GLI3: variants seen among roughly 807,000 people sequenced by gnomAD.
GLI3 encodes transcription activator GLI3.
Under a neutral mutation model 100.8 loss-of-function variants are expected in GLI3, and 20 were observed. The ratio of observed to expected loss-of-function variants is 0.20; its 90% CI spans 0.14 to 0.29. GLI3 has a LOEUF of 0.29. Among genes scored for constraint, GLI3 ranks in the 10% least tolerant of loss-of-function variants. The probability of loss-of-function intolerance (pLI) is 1.00; values close to 1 mark genes in which losing one functional copy is unlikely to be tolerated. For missense variants in GLI3, 2,040 were observed against 2,128.5 expected (o/e 0.96, Z 0.82); for synonymous variants, 938 against 860.5 (o/e 1.09, Z -1.58).
intron 3 of GLI3, among the ~76,000 whole-genome samples, chr7:42,131,255 G>T (rs932190562): frequency 6.6e-6 from 1 of 152,160 alleles, no homozygotes; most frequent in African/African-American, 2.4e-5. Flanking sequence ...GAATGAATTG[G>T]CCAGGAAAGA....
rs946540479 is a variant in GLI3, at chr7:41,964,066, T to G, written c.*264A>C. Reference sequence around the variant, plus strand: ...CTAAAAAGGGGGCGGGGCTTACAGTTTTTTTTTTTTTTTTTAAAAAGAGGG... The same window carrying G: ...CTAAAAAGGGGGCGGGGCTTACAGTGTTTTTTTTTTTTTTTAAAAAGAGGG... On this transcript the variant is annotated 3_prime_UTR_variant, in exon 15 of 15. Coordinates refer to ENST00000395925, the MANE Select transcript of GLI3 (RefSeq NM_000168.6). The G allele has an allele frequency of 2.3e-4, 59 of 261,342 alleles. No homozygotes were observed. The highest frequency in any genetic ancestry group is 1.2e-3 in the African/African-American group (51 of 42,414). The allele number at this position is 261,342 out of a possible 1,614,324, so 16.2% of individuals were successfully genotyped here.
rs149400571 is a variant in GLI3, at chr7:42,148,353, G to A, written c.240C>T (p.Asp80=). 5.6e-5 allele frequency: 91 copies of A among 1,613,930 alleles called. No homozygotes were observed. Among genetic ancestry groups the A allele is most frequent in the East Asian group, 8.9e-5 (4 of 44,864 alleles). ...CTTTCTTGATCAATGAGGCCCTCTCGTCACTCGATGTTGAAGGTTCCTCAC... is the reference window on the plus strand; with the variant it reads ...CTTTCTTGATCAATGAGGCCCTCTCATCACTCGATGTTGAAGGTTCCTCAC... ...KVSEEPSTSS[D]ERASLIKKEI... The change falls in exon 3 of 15, where the codon GAC becomes GAT. Residue 80 remains aspartate (D), a synonymous_variant. Transcript: ENST00000395925.
At chr7:42,236,656 T>TG (rs1190413980) in intron 1 of GLI3, among the ~76,000 whole-genome samples, 1 of 151,858 alleles carries the variant, frequency 6.6e-6, no homozygotes, top group Admixed American at 6.5e-5. Flanking sequence ...ACCCTTTGGA[T>TG]GGGGGCGGAG....
chr7:42,125,665 A>T (rs1315570965), intron 3 of GLI3, among the ~76,000 whole-genome samples: 1 of 152,088 alleles, frequency 6.6e-6, no homozygotes, highest in Non-Finnish European at 1.5e-5. Context: ...CTCACTCCTG[A>T]CTCACTGTCC....
At chr7:42,204,844 T>C (rs1023048516) in intron 2 of GLI3, among the ~76,000 whole-genome samples, 2 of 152,116 alleles carry the variant, frequency 1.3e-5, no homozygotes, top group African/African-American at 4.8e-5. Context: ...TCCCCGAGAC[T>C]CTCCTTCGGG....
At chr7:42,030,148 C>A (rs1185336833) in intron 7 of GLI3, among the ~76,000 whole-genome samples, 1 of 152,156 alleles carries the variant, frequency 6.6e-6, no homozygotes, top group Non-Finnish European at 1.5e-5. Flanking sequence ...TACCTGGAGG[C>A]TGCCCACATT....
intron 2 of GLI3, among the ~76,000 whole-genome samples, 179 bp from the exon 3 acceptor site, chr7:42,148,647 T>C (rs1376549898): frequency 6.6e-6 from 1 of 152,184 alleles, no homozygotes; most frequent in Non-Finnish European, 1.5e-5. Flanking sequence ...AAATTGTTTA[T>C]GAATGAGGGT....
At chr7:42,172,656 C>T (rs753611636) in intron 2 of GLI3, 2 of 702,816 alleles carry the variant, frequency 2.8e-6, no homozygotes, top group South Asian at 3.0e-5. Context: ...CCTCCTGGTC[C>T]AGCCTCTGGC....
In GLI3 at chr7:42,023,685, A is replaced by G; in HGVS notation, c.1357-77T>C. On this transcript the variant is annotated intron_variant, in intron 9 of 14. Coordinates refer to ENST00000395925, the MANE Select transcript of GLI3 (RefSeq NM_000168.6). The stretch of plus-strand genomic sequence containing the variant: ...ACAACAGGAGGGAAGACAAGAAGAG[A>G]AAGTAAAAACCCAATTTAGATTTGG... 4 of 1,418,140 alleles carry G rather than the reference A, an allele frequency of 2.8e-6. No individual in the cohort carries two copies. The South Asian group carries it at 4.6e-5, about 16-fold the overall frequency. The allele number at this position is 1,418,140 out of a possible 1,614,324, so 87.8% of individuals were successfully genotyped here.
chr7:42,010,155 C>A (rs933998185), intron 10 of GLI3, among the ~76,000 whole-genome samples: 2 of 152,154 alleles, frequency 1.3e-5, no homozygotes, highest in Non-Finnish European at 2.9e-5. Context: ...TCAACAAGGC[C>A]CCCAGGGAAG....
At chr7:42,203,004 G>A (rs566898290) in intron 2 of GLI3, among the ~76,000 whole-genome samples, 3 of 152,180 alleles carry the variant, frequency 2.0e-5, no homozygotes, top group Admixed American at 6.5e-5. Flanking sequence ...ACCATGGGAG[G>A]CATGAACATT....
chr7:42,132,886 C>T (rs978945688), intron 3 of GLI3, among the ~76,000 whole-genome samples: 3 of 151,778 alleles, frequency 2.0e-5, no homozygotes, highest in Non-Finnish European at 2.9e-5. Context: ...AAAAAAGACC[C>T]TAAAAGGTAT....
intron 10 of GLI3, among the ~76,000 whole-genome samples, chr7:41,998,660 T>C (rs1297658303): frequency 6.6e-6 from 1 of 152,222 alleles, no homozygotes; most frequent in East Asian, 1.9e-4. Context: ...GCAGAGACTC[T>C]GAATGGTGTT....
intron 3 of GLI3, among the ~76,000 whole-genome samples, chr7:42,120,574 G>A (rs1160753046): frequency 6.6e-6 from 1 of 152,196 alleles, no homozygotes; most frequent in Non-Finnish European, 1.5e-5. Flanking sequence ...GCGAGGTACT[G>A]TTTATTACCC....
chr7:42,044,512 T>C (rs922293749), intron 6 of GLI3, among the ~76,000 whole-genome samples: 4 of 152,210 alleles, frequency 2.6e-5, no homozygotes, highest in African/African-American at 7.2e-5. Context: ...AAATAAGTGA[T>C]ACAACATGCA....
chr7:42,148,423 G>A lies in GLI3; in HGVS notation c.170C>T (p.Ala57Val). ...GACATTCTGTGGCTGCATAGTGATTGCGTTTCTTCTCTCTCTGTGATAAGT... is the reference window on the plus strand; with the variant it reads ...GACATTCTGTGGCTGCATAGTGATTACGTTTCTTCTCTCTCTGTGATAAGT... The part of the protein sequence containing the change: ...GQTYHRERRN[A>V]ITMQPQNVQG... The change falls in exon 3 of 15, where the codon GCA (alanine) becomes GTA (valine). Residue 57 changes from alanine to valine, a missense_variant. Physicochemically the swap from Ala to Val is moderately conservative, Grantham distance 64. Transcript: ENST00000395925. 1 of 1,613,816 alleles carries A rather than the reference G, an allele frequency of 6.2e-7. No homozygotes were observed. Among genetic ancestry groups the A allele is most frequent in the South Asian group, 1.1e-5 (1 of 91,078 alleles).
chr7:42,231,834 T>C (rs6956634), intron 1 of GLI3, among the ~76,000 whole-genome samples: 11,280 of 151,880 alleles, frequency 0.074, 1,084 homozygotes, highest in African/African-American at 0.23. Flanking sequence ...TCTCTCTTTG[T>C]ACAAATCAAT....
intron 3 of GLI3, among the ~76,000 whole-genome samples, chr7:42,127,110 C>G (rs1369545523): frequency 2.0e-5 from 3 of 152,202 alleles, no homozygotes; most frequent in African/African-American, 4.8e-5. Flanking sequence ...GTCTTGTTCT[C>G]TGAATGACAG....
rs1365323269 is a variant in GLI3 at position 42,148,487 on chromosome 7, T to G, written c.125-19A>C. ...TCATCCTCTAAAGAAAGAAGAAAAA[T>G]GAAAGACTCTGTAAACTACTTTAAG... On this transcript the variant is annotated intron_variant, in intron 2 of 14. Coordinates refer to ENST00000395925, the MANE Select transcript of GLI3 (RefSeq NM_000168.6). The G allele has an allele frequency of 2.5e-6, 4 of 1,609,664 alleles. No individual in the cohort carries two copies. The South Asian group carries it at 4.4e-5, about 18-fold the overall frequency.
Sources: gnomAD v4.1 joint callset for allele counts (sites outside exome capture counted in the v4.1 genomes callset) on GRCh38, gnomAD v4.1.1 for gene constraint, MANE v1.5 for transcripts, NCBI Gene and HGNC (gene_info 2026-07-23, HGNC 2026-07-21) for gene names.